PABPC1L: variants seen among roughly 807,000 people sequenced by gnomAD.
PABPC1L encodes polyadenylate-binding protein 1-like.
In PABPC1L, 31 loss-of-function variants were observed where a neutral mutation model predicts 66.6. The ratio of observed to expected loss-of-function variants is 0.47; its 90% confidence interval spans 0.35 to 0.63. PABPC1L has a LOEUF of 0.63. PABPC1L is among the 20% of genes least tolerant of loss of function. The pLI is 0.00. For missense variants in PABPC1L, 722 were observed against 848.8 expected (o/e 0.85, Z 1.86); for synonymous variants, 348 against 335.1 (o/e 1.04, Z -0.42).
intron 4 of PABPC1L, 57 bp from the exon 5 acceptor site, chr20:44,919,126 C>G: frequency 6.2e-7 from 1 of 1,613,920 alleles, no homozygotes; most frequent in Non-Finnish European, 8.5e-7. Context: ...AGGGGCTCTC[C>G]TGGGGTTTCC....
chr20:44,922,267 A>T (rs2066779353), intron 6 of PABPC1L, among the ~76,000 whole-genome samples: 1 of 152,164 alleles, frequency 6.6e-6, no homozygotes, highest in South Asian at 2.1e-4. Flanking sequence ...TTTTTGAGAC[A>T]GAGTATTGCT....
At chr20:44,924,065 C>T in intron 6 of PABPC1L, 96 bp from the exon 7 acceptor site, 3 of 985,766 alleles carry the variant, frequency 3.0e-6, no homozygotes, top group Admixed American at 1.8e-5. Flanking sequence ...GTGGGGCTCC[C>T]CATGCCCCTT....
At chr20:44,937,959 G>A (rs1456425182) in intron 12 of PABPC1L, 102 bp from the exon 13 acceptor site, 5 of 1,525,514 alleles carry the variant, frequency 3.3e-6, no homozygotes, top group Middle Eastern at 1.7e-4. Flanking sequence ...GCAGTTCTGG[G>A]AGAAGAACCC....
In PABPC1L at chr20:44,937,991, C is replaced by T. The variant is rs2066914309; in HGVS notation, c.1661-70C>T. ...ACCCAGATGTCCTCAGTGCTCCACT[C>T]CATACGAGCCCTGGGATGCTGGGGT... On this transcript the variant is annotated intron_variant, in intron 12 of 14. Coordinates refer to ENST00000217073, the MANE Select transcript of PABPC1L (RefSeq NM_001372179.1). 13 of 1,604,526 alleles carry T rather than the reference C, an allele frequency of 8.1e-6. No individual in the cohort carries two copies. The South Asian group carries it at 1.2e-4, about 15-fold the overall frequency.
At chr20:44,923,177 C>T (rs1026710621) in intron 6 of PABPC1L, among the ~76,000 whole-genome samples, 2 of 152,214 alleles carry the variant, frequency 1.3e-5, no homozygotes, top group Non-Finnish European at 2.9e-5. Context: ...GTGAGATGCA[C>T]AGACTCTGAA....
intron 1 of PABPC1L, among the ~76,000 whole-genome samples, chr20:44,912,379 T>C (rs1375549518): frequency 1.3e-5 from 2 of 152,176 alleles, no homozygotes; most frequent in Non-Finnish European, 2.9e-5. Flanking sequence ...ATCTGTAAAA[T>C]GAGGGGCAGG....
chr20:44,930,823 C>T (rs1555799608), intron 8 of PABPC1L, 97 bp downstream of exon 8: 2 of 1,481,402 alleles, frequency 1.4e-6, no homozygotes, highest in Non-Finnish European at 1.8e-6. Flanking sequence ...AGGTTTCTAA[C>T]TTGCTTCTGC....
In PABPC1L at chr20:44,910,297, C is replaced by A; in HGVS notation, c.154C>A (p.Leu52Met). The change falls in exon 1 of 15, where the codon CTG (leucine) becomes ATG (methionine). Residue 52 changes from leucine to methionine, a missense_variant. Physicochemically the swap from Leu to Met is conservative, Grantham distance 15 (BLOSUM62 2). This residue lies in a region of PABPC1L where 284 missense variants were observed against 294.8 expected (regional missense o/e 0.96). Coordinates refer to ENST00000217073, the MANE Select transcript of PABPC1L (RefSeq NM_001372179.1). Reference sequence around the variant, plus strand: ...CCGCGATGTAGCCACCCGGCGCTCGCTGGGCTACGCCTACATCAACTTCCA... The same window carrying A: ...CCGCGATGTAGCCACCCGGCGCTCGATGGGCTACGCCTACATCAACTTCCA... ...VCRDVATRRS[L>M]GYAYINFQQP... 1 of 1,545,078 alleles carries A rather than the reference C, an allele frequency of 6.5e-7. No individual in the cohort carries two copies. Among genetic ancestry groups the A allele is most frequent in the Non-Finnish European group, 8.7e-7 (1 of 1,143,346 alleles).
intron 1 of PABPC1L, among the ~76,000 whole-genome samples, chr20:44,910,725 G>T (rs1253876476): frequency 6.6e-6 from 1 of 152,124 alleles, no homozygotes; most frequent in African/African-American, 2.4e-5. Flanking sequence ...TGCTTGTGAG[G>T]ATGAGAGATT....
At chr20:44,930,382 A>G in intron 7 of PABPC1L, 78 bp from the exon 8 acceptor site, 2 of 1,538,928 alleles carry the variant, frequency 1.3e-6, no homozygotes, top group African/African-American at 1.4e-5. Flanking sequence ...GGCTTAGCCC[A>G]TGGGGAGGAG....
At chr20:44,917,977 T>A (rs1373883023) in intron 3 of PABPC1L, among the ~76,000 whole-genome samples, 1 of 152,248 alleles carries the variant, frequency 6.6e-6, no homozygotes, top group African/African-American at 2.4e-5. Flanking sequence ...ATTATTTTTT[T>A]AATCTGGGAT....
rs1264764726 is a variant in PABPC1L, at chr20:44,935,315, G to C, written c.1460-76G>C. ...GCTTGTTATTTTCTGTTTTGGTGTTGTTTTGTTTTGTTTTGTTTTTGGATA... is the reference window on the plus strand; with the variant it reads ...GCTTGTTATTTTCTGTTTTGGTGTTCTTTTGTTTTGTTTTGTTTTTGGATA... On this transcript the variant is annotated intron_variant, in intron 10 of 14. Transcript: ENST00000217073. 7 of 1,029,644 alleles carry C rather than the reference G, an allele frequency of 6.8e-6. No homozygotes were observed. In the Admixed American group the frequency reaches 1.4e-4, roughly 20 times the overall value. The allele number at this position is 1,029,644 out of a possible 1,614,324, so 63.8% of individuals were successfully genotyped here.
At chr20:44,915,799 C>CAAA (rs3091602) in intron 2 of PABPC1L, among the ~76,000 whole-genome samples, 1 of 115,450 alleles carries the variant, frequency 8.7e-6, no homozygotes, top group African/African-American at 3.1e-5. Context: ...AACTCTATCT[C>CAAA]AAAAAAAAAA....
Position 44,918,985 on chromosome 20 carries a change from G to C in PABPC1L, c.583G>C (p.Val195Leu). The C allele has an allele frequency of 1.9e-6, 3 of 1,613,612 alleles. No homozygotes were observed. The highest frequency in any genetic ancestry group is 2.5e-6 in the Non-Finnish European group (3 of 1,179,750). ...GGCCCTGGAGTTCACCAACATCTAC[G>C]TGAAGAACCTCCCGGTGGATGTGGA... Reference protein sequence around the residue: ...ARALEFTNIYVKNLPVDVDEQ... With the variant: ...ARALEFTNIYLKNLPVDVDEQ... The change falls in exon 4 of 15, where the codon GTG becomes CTG. Residue 195 changes from valine (V) to leucine (L), a missense_variant. By Grantham distance (32) the Val-to-Leu change is conservative. Around this residue, in one of 3 missense-constraint regions of PABPC1L, gnomAD observed 284 missense variants for 294.8 expected, o/e 0.96. Coordinates refer to ENST00000217073, the MANE Select transcript of PABPC1L (RefSeq NM_001372179.1).
rs757474177 is a variant in PABPC1L, at chr20:44,935,463, G to A, written c.1532G>A (p.Cys511Tyr). 4 of 1,614,192 alleles carry A rather than the reference G, an allele frequency of 2.5e-6. No homozygotes were observed. The highest frequency in any genetic ancestry group is 3.4e-6 in the Non-Finnish European group (4 of 1,180,040). The change falls in exon 11 of 15, where the codon TGC (cysteine) becomes TAC (tyrosine). Residue 511 changes from cysteine (C) to tyrosine (Y), a missense_variant. Physicochemically the swap from Cys to Tyr is radical, Grantham distance 194 (BLOSUM62 -2). Around this residue, in one of 3 missense-constraint regions of PABPC1L, gnomAD observed 301 missense variants for 337.2 expected, o/e 0.89. Coordinates refer to ENST00000217073, the MANE Select transcript of PABPC1L (RefSeq NM_001372179.1). Reference sequence around the variant, plus strand: ...ACACCAGGCCGGCCGCTCCTGCCGTGCAAATGTTCCTCAGCAGCACATAGC... The same window carrying A: ...ACACCAGGCCGGCCGCTCCTGCCGTACAAATGTTCCTCAGCAGCACATAGC... ...CCTPGRPLLP[C>Y]KCSSAAHSTY...
rs776009874 is a variant in PABPC1L, at chr20:44,932,303, C to T, written c.1240-39C>T. 23 of 1,539,492 alleles carry T rather than the reference C, an allele frequency of 1.5e-5. No homozygotes were observed. In the East Asian group the frequency reaches 2.5e-4, roughly 17 times the overall value. ...AGGTGTAGCTTCTCACCTACCCTGC[C>T]GCCAAGCCCCTCAGTCTGGGTCTTC... On this transcript the variant is annotated intron_variant, in intron 8 of 14. Coordinates refer to ENST00000217073, the MANE Select transcript of PABPC1L (RefSeq NM_001372179.1).
At chr20:44,931,178 T>TCTTC (rs373420164) in intron 8 of PABPC1L, among the ~76,000 whole-genome samples, 3,452 of 138,494 alleles carry the variant, frequency 0.025, 157 homozygotes, top group African/African-American at 0.09. Context: ...TTCCCTCCCT[T>TCTTC]CCTCCCTTCC....
At chr20:44,915,075 T>A (rs899672080) in intron 2 of PABPC1L, among the ~76,000 whole-genome samples, 1 of 152,182 alleles carries the variant, frequency 6.6e-6, no homozygotes, top group East Asian at 1.9e-4. Context: ...GGAAGGCCCC[T>A]GTTTCAGGAT....
intron 6 of PABPC1L, among the ~76,000 whole-genome samples, chr20:44,922,073 C>G (rs935540637): frequency 1.3e-5 from 2 of 152,114 alleles, no homozygotes; most frequent in Non-Finnish European, 2.9e-5. Flanking sequence ...TTGCCAGATG[C>G]CCCTAGAGGA....
Sources: gnomAD v4.1 joint callset for allele counts (sites outside exome capture counted in the v4.1 genomes callset) on GRCh38, gnomAD v4.1.1 for gene constraint, gnomAD v4.1.1 regional missense constraint, MANE v1.5 for transcripts, NCBI Gene and HGNC (gene_info 2026-07-23, HGNC 2026-07-21) for gene names.